The following SRBD1 variants were observed in gnomAD, a reference collection of about 807,000 sequenced individuals.
SRBD1 encodes the protein S1 RNA-binding domain-containing protein 1.
Under a neutral mutation model 115.3 loss-of-function variants are expected in SRBD1, and 88 were observed. The observed-to-expected ratio is 0.76, with a 90% confidence interval of 0.64 to 0.91. The LOEUF is 0.91. Ranked by LOEUF, SRBD1 falls within the 40% of genes least tolerant of loss-of-function variation. The probability of loss-of-function intolerance (pLI) is 0.00; values close to 1 mark genes in which losing one functional copy is unlikely to be tolerated. For missense variants in SRBD1, 1,385 were observed against 1,177.4 expected (o/e 1.18, Z -2.58); for synonymous variants, 509 against 407.7 (o/e 1.25, Z -2.99).
At chr2:45,464,045 T>G (rs1669405835) in intron 16 of SRBD1, among the ~76,000 whole-genome samples, 1 of 151,966 alleles carries the variant, frequency 6.6e-6, no homozygotes, top group Non-Finnish European at 1.5e-5. Flanking sequence ...TCAAAGAACA[T>G]TCCTTTATAA....
At chr2:45,573,965 G>A in intron 8 of SRBD1, among the ~76,000 whole-genome samples, 1 of 152,062 alleles carries the variant, frequency 6.6e-6, no homozygotes, top group Non-Finnish European at 1.5e-5. Context: ...GAGAGAGGAA[G>A]AACAAACCTC....
intron 16 of SRBD1, among the ~76,000 whole-genome samples, chr2:45,432,695 A>C (rs1668376752): frequency 2.0e-5 from 3 of 152,216 alleles, no homozygotes; most frequent in African/African-American, 7.2e-5. Context: ...TTCCATTTTT[A>C]AATAGAAGTT....
intron 10 of SRBD1, 88 bp downstream of exon 10, chr2:45,562,565 G>A: frequency 3.9e-6 from 4 of 1,022,012 alleles, no homozygotes; most frequent in Non-Finnish European, 5.5e-6. Context: ...TCACGTAATA[G>A]ACATCTTTAC....
chr2:45,520,469 G>T (rs12613763), intron 14 of SRBD1, among the ~76,000 whole-genome samples: 121,862 of 152,158 alleles, frequency 0.8, 49,596 homozygotes, highest in African/African-American at 0.92. Context: ...AGGGAAATAC[G>T]GGGGAGAAGA....
Position 45,573,858 on chromosome 2 carries a change from G to A in SRBD1, c.1170-516C>T, listed in dbSNP as rs1403017558. ...AACTCATTCCTGCTGGAGCCACTGAGAAAATACAAAAGTTCTTTCTAGCAA... is the reference window on the plus strand; with the variant it reads ...AACTCATTCCTGCTGGAGCCACTGAAAAAATACAAAAGTTCTTTCTAGCAA... On this transcript the variant is annotated intron_variant, in intron 8 of 20. Coordinates refer to ENST00000263736, the MANE Select transcript of SRBD1 (RefSeq NM_018079.5). 2.0e-5 allele frequency among the ~76,000 whole-genome samples: 3 copies of A among 152,144 alleles called. No individual in the cohort carries two copies. In the South Asian group the frequency reaches 6.2e-4, roughly 32 times the overall value.
rs190798320 is a variant in SRBD1 at position 45,430,746 on chromosome 2, T to C, written c.2050-10852A>G. ...GACATAGGCATGGGCAAAGACTTCA[T>C]GACTAAAACACCAAAAGCAATGGCA... On this transcript the variant is annotated intron_variant, in intron 16 of 20. Transcript: ENST00000263736. 5.3e-5 allele frequency among the ~76,000 whole-genome samples: 8 copies of C among 152,282 alleles called. No homozygotes were observed. In the East Asian group the frequency reaches 9.6e-4, roughly 18 times the overall value.
rs183125820 is a variant in SRBD1, at chr2:45,529,905, T to C, written c.1874+16827A>G. 2.1e-3 allele frequency among the ~76,000 whole-genome samples: 324 copies of C among 152,156 alleles called. 2 individuals are homozygous for C. Among genetic ancestry groups the C allele is most frequent in the Non-Finnish European group, 3.7e-3 (254 of 67,936 alleles). The stretch of plus-strand genomic sequence containing the variant: ...TCTTTGCATCTGTATCCCTCAAATT[T>C]TTGGTGATACCAAAATCTGAATTCT... On this transcript the variant is annotated intron_variant, in intron 14 of 20. Coordinates refer to ENST00000263736, the MANE Select transcript of SRBD1 (RefSeq NM_018079.5).
At chr2:45,423,968 G>A (rs1008225714) in intron 16 of SRBD1, among the ~76,000 whole-genome samples, 11 of 152,024 alleles carry the variant, frequency 7.2e-5, no homozygotes, top group Non-Finnish European at 8.8e-5. Flanking sequence ...CAAATTTAGA[G>A]AAGGCATGCA....
chr2:45,449,548 T>C (rs1441268214), intron 16 of SRBD1, among the ~76,000 whole-genome samples: 3 of 152,226 alleles, frequency 2.0e-5, no homozygotes, highest in Non-Finnish European at 2.9e-5. Flanking sequence ...ATATGTATGG[T>C]TTTATTTCAA....
intron 16 of SRBD1, among the ~76,000 whole-genome samples, chr2:45,439,358 G>C (rs1198907536): frequency 7.8e-6 from 1 of 127,390 alleles, no homozygotes; most frequent in East Asian, 2.0e-4. Flanking sequence ...GGTATTCTAG[G>C]ACATATATAT....
chr2:45,524,344 T>C (rs1046422646), intron 14 of SRBD1, among the ~76,000 whole-genome samples: 1 of 152,008 alleles, frequency 6.6e-6, no homozygotes, highest in East Asian at 1.9e-4. Flanking sequence ...ATACCCATAG[T>C]AGAAAGGAAG....
intron 14 of SRBD1, among the ~76,000 whole-genome samples, chr2:45,541,295 C>T (rs570857396): frequency 6.6e-6 from 1 of 152,332 alleles, no homozygotes; most frequent in East Asian, 1.9e-4. Flanking sequence ...ACCAGAGAGT[C>T]CCAAAGAGGG....
At chr2:45,393,251 T>C (rs1667056102) in intron 19 of SRBD1, 122 bp from the exon 20 acceptor site, 1 of 1,000,776 alleles carries the variant, frequency 1.0e-6, no homozygotes, top group Admixed American at 3.3e-5. Context: ...CAGTCTTTAT[T>C]GAGAATCTAT....
rs534090054 is a variant in SRBD1 at position 45,561,635 on chromosome 2, T to G, written c.1409+1018A>C. On this transcript the variant is annotated intron_variant, in intron 10 of 20. Transcript: ENST00000263736. ...AAGCCACTTTACTTACCTCTTTGTA[T>G]CAGTTTTCTCACTGGCTAAGTGGTG... 3.9e-4 allele frequency among the ~76,000 whole-genome samples: 59 copies of G among 152,330 alleles called. 1 individual carries two copies. The South Asian group carries it at 0.011, about 28-fold the overall frequency.
intron 10 of SRBD1, among the ~76,000 whole-genome samples, chr2:45,557,233 C>G (rs968743217): frequency 2.6e-5 from 4 of 152,058 alleles, no homozygotes; most frequent in East Asian, 1.9e-4. Flanking sequence ...AGCTATGGAG[C>G]CTGACGAGGT....
At chr2:45,475,745 C>T (rs1669785168) in intron 16 of SRBD1, among the ~76,000 whole-genome samples, 1 of 152,216 alleles carries the variant, frequency 6.6e-6, no homozygotes, top group Non-Finnish European at 1.5e-5. Flanking sequence ...GTCACCCAGG[C>T]TAGAGTGCAG....
At chr2:45,469,384 T>G (rs1669582559) in intron 16 of SRBD1, among the ~76,000 whole-genome samples, 1 of 152,208 alleles carries the variant, frequency 6.6e-6, no homozygotes. Flanking sequence ...GAAATGGATC[T>G]AGTTTCACTG....
At chr2:45,453,983 T>G (rs1411781723) in intron 16 of SRBD1, among the ~76,000 whole-genome samples, 1 of 151,944 alleles carries the variant, frequency 6.6e-6, no homozygotes, top group Non-Finnish European at 1.5e-5. Context: ...ATTAAATTAT[T>G]CCAACATTCT....
At chr2:45,414,714 G>C (rs186467834) in intron 18 of SRBD1, among the ~76,000 whole-genome samples, 3 of 99,776 alleles carry the variant, frequency 3.0e-5, no homozygotes, top group African/African-American at 1.0e-4. Context: ...TATATAGTAT[G>C]TATATACACA....
Sources: gnomAD v4.1 joint callset for allele counts (sites outside exome capture counted in the v4.1 genomes callset) on GRCh38, gnomAD v4.1.1 for gene constraint, MANE v1.5 for transcripts, NCBI Gene and HGNC (gene_info 2026-07-23, HGNC 2026-07-21) for gene names.